Variants in NXPH1 observed in about 807,000 individuals in gnomAD.
NXPH1 encodes neurexophilin 1.
NXPH1 carries 5 observed loss-of-function variants against 23.7 expected under a neutral mutation model. The ratio of observed to expected loss-of-function variants is 0.21; its 90% CI spans 0.11 to 0.44. The LOEUF is 0.44. Among genes scored for constraint, NXPH1 ranks in the 20% least tolerant of loss-of-function variants. The pLI, the probability that NXPH1 is intolerant of heterozygous loss-of-function variation, is 0.99. For missense variants in NXPH1, 324 were observed against 321.6 expected (o/e 1.01, Z -0.06); for synonymous variants, 144 against 122.2 (o/e 1.18, Z -1.18).
At chr7:8,490,284 C>G (rs1168485361) in intron 2 of NXPH1, among the ~76,000 whole-genome samples, 4 of 152,002 alleles carry the variant, frequency 2.6e-5, no homozygotes, top group African/African-American at 9.7e-5. Context: ...TAAAAGAATG[C>G]ATGAATGGTA....
intron 2 of NXPH1, among the ~76,000 whole-genome samples, chr7:8,709,042 G>T (rs550416006): frequency 1.3e-5 from 2 of 152,168 alleles, no homozygotes; most frequent in East Asian, 3.9e-4. Flanking sequence ...CATAAAATTG[G>T]CTTATGATAA....
At chr7:8,735,413 G>A (rs770017570) in intron 2 of NXPH1, among the ~76,000 whole-genome samples, 12 of 152,148 alleles carry the variant, frequency 7.9e-5, no homozygotes, top group Admixed American at 2.0e-4. Flanking sequence ...TTTTGTCATT[G>A]GTTATGTTTA....
In NXPH1 at chr7:8,680,588, T is replaced by C. The variant is rs61620521; in HGVS notation, c.55-70420T>C. On this transcript the variant is annotated intron_variant, in intron 2 of 2. Coordinates refer to ENST00000405863, the MANE Select transcript of NXPH1 (RefSeq NM_152745.3). ...TTAAAATGAAACAAAACTAAAAATA[T>C]GTTTCTGATGGAAGTAGGAAGATGG... Among the ~76,000 whole-genome samples the C allele has an allele frequency of 4.5e-3, 689 of 152,334 alleles. 4 individuals carry two copies. Among genetic ancestry groups the C allele is most frequent in the African/African-American group, 0.016 (667 of 41,572 alleles).
In NXPH1 at chr7:8,442,133, T is replaced by C. The variant is rs1003403742; in HGVS notation, c.54+6366T>C. Among the ~76,000 whole-genome samples, 10 of 152,126 alleles carry C rather than the reference T, an allele frequency of 6.6e-5. No homozygotes were observed. Among genetic ancestry groups the C allele is most frequent in the Admixed American group, 2.0e-4 (3 of 15,280 alleles). ...GGCCACGGCTTACGAAAAGCTTTCCTAGCTCCTTCTTCCTATAAATTAATG... is the reference window on the plus strand; with the variant it reads ...GGCCACGGCTTACGAAAAGCTTTCCCAGCTCCTTCTTCCTATAAATTAATG... On this transcript the variant is annotated intron_variant, in intron 2 of 2. Transcript: ENST00000405863. The surrounding 1 kb of genome is among the most constrained non-coding windows in gnomAD (Gnocchi z 4.6).
chr7:8,566,852 T>G (rs1008333241), intron 2 of NXPH1, among the ~76,000 whole-genome samples: 1 of 138,244 alleles, frequency 7.2e-6, no homozygotes, highest in Non-Finnish European at 1.5e-5. Flanking sequence ...TTCATTCATA[T>G]TTTTTTTCTC....
At chr7:8,454,521 G>C (rs1313976783) in intron 2 of NXPH1, among the ~76,000 whole-genome samples, 2 of 152,080 alleles carry the variant, frequency 1.3e-5, no homozygotes, top group African/African-American at 2.4e-5. Flanking sequence ...TATTGATTGG[G>C]AAGTGTCAGA....
chr7:8,566,526 G>A (rs970491408), intron 2 of NXPH1, among the ~76,000 whole-genome samples: 4 of 151,734 alleles, frequency 2.6e-5, no homozygotes, highest in Non-Finnish European at 4.4e-5. Flanking sequence ...TTGGAGCCTT[G>A]GATGAATAAA....
At chr7:8,601,720 C>T (rs1265411395) in intron 2 of NXPH1, among the ~76,000 whole-genome samples, 1 of 152,132 alleles carries the variant, frequency 6.6e-6, no homozygotes, top group Non-Finnish European at 1.5e-5. Context: ...TGACCTTGTG[C>T]TTATTTAGGG....
chr7:8,678,825 A>G (rs1820998144), intron 2 of NXPH1, among the ~76,000 whole-genome samples: 1 of 151,152 alleles, frequency 6.6e-6, no homozygotes, highest in Non-Finnish European at 1.5e-5. Context: ...GTGGTCCCAC[A>G]GCAGAGTTGC....
At chr7:8,693,407 T>C (rs373762258) in intron 2 of NXPH1, among the ~76,000 whole-genome samples, 82 of 152,300 alleles carry the variant, frequency 5.4e-4, no homozygotes, top group African/African-American at 1.9e-3. Flanking sequence ...TTTTTTCATA[T>C]AGAAAATGGA....
rs1476619630 is a variant in NXPH1 at position 8,435,101 on chromosome 7, C to T, written c.-111+346C>T. On this transcript the variant is annotated intron_variant, in intron 1 of 2. Coordinates refer to ENST00000405863, the MANE Select transcript of NXPH1 (RefSeq NM_152745.3). This position sits in a 1 kb window ranked among gnomAD's most constrained non-coding sequence, Gnocchi z 5.9. ...TGTTGAGGTACCTAGCACCTAATCG[C>T]GGTCAGTTCTACCTACCTCTTCCTC... is the stretch of plus-strand genomic sequence containing the variant. The T allele has an allele frequency of 6.4e-6, 1 of 155,290 alleles. No individual in the cohort carries two copies. The highest frequency in any genetic ancestry group is 1.4e-5 in the Non-Finnish European group (1 of 70,330). 9.6% of individuals were successfully genotyped at this position (155,290 alleles called of 1,614,324 possible).
At chr7:8,686,564 G>A (rs1821148353) in intron 2 of NXPH1, among the ~76,000 whole-genome samples, 1 of 152,054 alleles carries the variant, frequency 6.6e-6, no homozygotes. Flanking sequence ...TAAAAGTATA[G>A]TTTCTTTAAG....
chr7:8,749,722 G>A (rs147484986), intron 2 of NXPH1, among the ~76,000 whole-genome samples: 24 of 152,320 alleles, frequency 1.6e-4, no homozygotes, highest in Non-Finnish European at 2.4e-4. Flanking sequence ...ATTGTGAAAT[G>A]TGGCTTTTTA....
At position 8,441,540 on chromosome 7, in the gene NXPH1, T is replaced by C. The variant is rs182208801; in HGVS notation, c.54+5773T>C. Reference sequence around the variant, plus strand: ...CGTTGTAAGGATGTCACTCAATTTATTGTGAAAGTCGAATGAATTACGTTT... The same window carrying C: ...CGTTGTAAGGATGTCACTCAATTTACTGTGAAAGTCGAATGAATTACGTTT... On this transcript the variant is annotated intron_variant, in intron 2 of 2. Coordinates refer to ENST00000405863, the MANE Select transcript of NXPH1 (RefSeq NM_152745.3). Among the ~76,000 whole-genome samples the C allele has an allele frequency of 6.9e-4, 105 of 152,242 alleles. 1 individual carries two copies. The highest frequency in any genetic ancestry group is 2.2e-3 in the African/African-American group (93 of 41,530).
At chr7:8,582,359 T>C (rs1171938135) in intron 2 of NXPH1, among the ~76,000 whole-genome samples, 2 of 152,038 alleles carry the variant, frequency 1.3e-5, no homozygotes, top group African/African-American at 4.8e-5. Flanking sequence ...AGGTCCTGAG[T>C]TCTTGTCCTG....
intron 2 of NXPH1, among the ~76,000 whole-genome samples, chr7:8,745,127 A>G (rs919766164): frequency 6.6e-6 from 1 of 152,234 alleles, no homozygotes; most frequent in Non-Finnish European, 1.5e-5. Flanking sequence ...AGTTTTTGGC[A>G]AGCTCTTCTA....
At chr7:8,643,308 C>T (rs1220664781) in intron 2 of NXPH1, among the ~76,000 whole-genome samples, 2 of 151,900 alleles carry the variant, frequency 1.3e-5, no homozygotes, top group Non-Finnish European at 2.9e-5. Context: ...TATTCTTATA[C>T]ATGTGTAATT....
chr7:8,681,611 C>T (rs1311107330), intron 2 of NXPH1, among the ~76,000 whole-genome samples: 1 of 152,154 alleles, frequency 6.6e-6, no homozygotes, highest in Non-Finnish European at 1.5e-5. Context: ...AGGGCAATTA[C>T]AATACTTCAG....
chr7:8,589,533 T>A (rs964039812), intron 2 of NXPH1, among the ~76,000 whole-genome samples: 3 of 152,012 alleles, frequency 2.0e-5, no homozygotes, highest in Non-Finnish European at 4.4e-5. Flanking sequence ...GAGGGTATTA[T>A]ACCTAGCAAA....
Sources: gnomAD v4.1 joint callset for allele counts (sites outside exome capture counted in the v4.1 genomes callset) on GRCh38, gnomAD v4.1.1 for gene constraint, Gnocchi (gnomAD v3.1) non-coding constraint, MANE v1.5 for transcripts, NCBI Gene and HGNC (gene_info 2026-07-23, HGNC 2026-07-21) for gene names.